Variants in TNFRSF8 observed in about 807,000 individuals in gnomAD.
The protein encoded by TNFRSF8 is TNF receptor superfamily member 8.
Under a neutral mutation model 70.8 loss-of-function variants are expected in TNFRSF8, and 26 were observed. The observed-to-expected ratio is 0.37, with a 90% CI of 0.27 to 0.51. The LOEUF is 0.51. Among genes scored for constraint, TNFRSF8 ranks in the 20% least tolerant of loss-of-function variants. The probability of loss-of-function intolerance (pLI) is 0.94; values close to 1 mark genes in which losing one functional copy is unlikely to be tolerated. For synonymous variants in TNFRSF8, 356 were observed against 339.2 expected, an observed-to-expected ratio of 1.05 and a Z score of -0.54; for missense variants, 720 against 807.9, an observed-to-expected ratio of 0.89 and a Z score of 1.32.
intron 2 of TNFRSF8, among the ~76,000 whole-genome samples, chr1:12,096,789 TCACACA>T (rs34950439): frequency 6.6e-6 from 1 of 151,224 alleles, no homozygotes; most frequent in African/African-American, 2.4e-5. Flanking sequence ...CTATGTACCC[TCACACA>T]CACACACACA....
At chr1:12,085,355 C>T (rs1199290900) in intron 2 of TNFRSF8, among the ~76,000 whole-genome samples, 2 of 152,222 alleles carry the variant, frequency 1.3e-5, no homozygotes, top group African/African-American at 4.8e-5. Context: ...GGTGATCCAC[C>T]CGCCTCAGCC....
chr1:12,070,561 G>A (rs1640824764), intron 1 of TNFRSF8, among the ~76,000 whole-genome samples: 1 of 152,130 alleles, frequency 6.6e-6, no homozygotes, highest in African/African-American at 2.4e-5. Flanking sequence ...CCAGGGCTCA[G>A]GTGATCCTCC....
At chr1:12,104,248 A>T in intron 3 of TNFRSF8, 131 bp from the exon 4 acceptor site, 2 of 898,940 alleles carry the variant, frequency 2.2e-6, no homozygotes, top group South Asian at 1.6e-5. Context: ...TTTAGTGGTC[A>T]CCAGGGGGTT....
In TNFRSF8 at chr1:12,113,221, G is replaced by A. The variant is rs1641662275; in HGVS notation, c.793+1207G>A. Among the ~76,000 whole-genome samples the A allele has an allele frequency of 6.6e-6, 1 of 152,224 alleles. No homozygotes were observed. Among genetic ancestry groups the A allele is most frequent in the South Asian group, 2.1e-4 (1 of 4,834 alleles). ...TTCATTCACCTGCCTTGGGGTTGATGTTGGCTCCTGGCTGCAGCCTTGGTT... is the reference window on the plus strand; with the variant it reads ...TTCATTCACCTGCCTTGGGGTTGATATTGGCTCCTGGCTGCAGCCTTGGTT... On this transcript the variant is annotated intron_variant, in intron 7 of 14. Transcript: ENST00000263932. This position sits in a 1 kb window ranked among gnomAD's most constrained non-coding sequence, Gnocchi z 4.9.
rs932942723 is a variant in TNFRSF8 at position 12,097,013 on chromosome 1, G to C, written c.152-88G>C. The stretch of plus-strand genomic sequence containing the variant: ...GGGGGTTGGAGGTGGAGCTGGGAGG[G>C]GCGTCAGGGATGAGAGGTGTGGGGC... On this transcript the variant is annotated intron_variant, in intron 2 of 14. Transcript: ENST00000263932. The C allele has an allele frequency of 2.0e-5, 19 of 942,208 alleles. 1 individual carries two copies. Among genetic ancestry groups the C allele is most frequent in the African/African-American group, 1.6e-5 (1 of 61,796 alleles). The allele number at this position is 942,208 out of a possible 1,614,324, so 58.4% of individuals were successfully genotyped here.
chr1:12,086,032 C>T (rs982296707), intron 2 of TNFRSF8, among the ~76,000 whole-genome samples: 12 of 152,170 alleles, frequency 7.9e-5, no homozygotes, highest in African/African-American at 1.9e-4. Flanking sequence ...TGCAAGTGGG[C>T]GGGCATCGTC....
intron 3 of TNFRSF8, 71 bp downstream of exon 3, chr1:12,097,288 A>G: frequency 1.7e-6 from 2 of 1,143,232 alleles, no homozygotes; most frequent in Non-Finnish European, 2.6e-6. Flanking sequence ...AGAGGTGAAG[A>G]ATCTGGAAGG....
In TNFRSF8 at chr1:12,112,100, T is replaced by C. The variant is rs1641644139; in HGVS notation, c.793+86T>C. On this transcript the variant is annotated intron_variant, in intron 7 of 14. Coordinates refer to ENST00000263932, the MANE Select transcript of TNFRSF8 (RefSeq NM_001243.5). This position sits in a 1 kb window ranked among gnomAD's most constrained non-coding sequence, Gnocchi z 5.3. ...TTCCAGTAACTACTCCCCCTTATGT[T>C]TGTGGGTTTTTGATGGGGGTCGCCT... 1.1e-6 allele frequency: 1 copy of C among 949,042 alleles called. No homozygotes were observed. The highest frequency in any genetic ancestry group is 1.7e-5 in the African/African-American group (1 of 60,436). 58.8% of individuals were successfully genotyped at this position (949,042 alleles called of 1,614,324 possible).
chr1:12,105,029 A>G (rs905820818), intron 4 of TNFRSF8, among the ~76,000 whole-genome samples: 5 of 152,070 alleles, frequency 3.3e-5, no homozygotes, highest in African/African-American at 1.2e-4. Flanking sequence ...TACTTCTCTG[A>G]TAGTACAAGG....
intron 10 of TNFRSF8, among the ~76,000 whole-genome samples, chr1:12,124,172 A>T (rs1168930078): frequency 2.6e-5 from 4 of 151,330 alleles, no homozygotes; most frequent in Admixed American, 6.6e-5. Flanking sequence ...GCCTGGCTAA[A>T]TTTTTTTTTA....
chr1:12,080,192 G>C (rs1388297694), intron 1 of TNFRSF8: 2 of 478,790 alleles, frequency 4.2e-6, no homozygotes, highest in Non-Finnish European at 8.3e-6. Context: ...CAGGTGATCT[G>C]CTGGCCTCAG....
chr1:12,090,534 A>G (rs920032192), intron 2 of TNFRSF8, among the ~76,000 whole-genome samples: 4 of 139,148 alleles, frequency 2.9e-5, no homozygotes. Context: ...CCACTCATCC[A>G]CCTACTCGTT....
In TNFRSF8 at chr1:12,118,845, TG is replaced by T. The variant is rs1362723893; in HGVS notation, c.946+3117del. Among the ~76,000 whole-genome samples, 8 of 151,966 alleles carry T rather than the reference TG, an allele frequency of 5.3e-5. No homozygotes were observed. In the East Asian group the frequency reaches 7.8e-4, roughly 15 times the overall value. On this transcript the variant is annotated intron_variant, in intron 8 of 14. Transcript: ENST00000263932. ...GAGGAAGGAGGCTTCTGGTTGCATT[TG>T]TTTTTTTGTTTGTTTGTTTGTTTCT...
rs11569887 is a variant in TNFRSF8 at position 12,112,091 on chromosome 1, C to G, written c.793+77C>G. ...ACCGTGAACTTCCAGTAACTACTCC[C>G]CCTTATGTTTGTGGGTTTTTGATGG... On this transcript the variant is annotated intron_variant, in intron 7 of 14. Transcript: ENST00000263932. The surrounding 1 kb of genome is among the most constrained non-coding windows in gnomAD (Gnocchi z 5.3). 5 of 1,066,022 alleles carry G rather than the reference C, an allele frequency of 4.7e-6. No homozygotes were observed. The highest frequency in any genetic ancestry group is 7.0e-6 in the Non-Finnish European group (5 of 713,424). 66.0% of individuals were successfully genotyped at this position (1,066,022 alleles called of 1,614,324 possible).
intron 2 of TNFRSF8, among the ~76,000 whole-genome samples, chr1:12,094,058 CAAAAAAAAA>C (rs778868213): frequency 1.2e-5 from 1 of 84,678 alleles, no homozygotes; most frequent in Non-Finnish European, 2.2e-5. Context: ...GACTTTGTCT[CAAAAAAAAA>C]AAAAAAAAAA....
At chr1:12,129,547 G>A (rs970835892) in intron 12 of TNFRSF8, among the ~76,000 whole-genome samples, 4 of 152,288 alleles carry the variant, frequency 2.6e-5, no homozygotes, top group East Asian at 3.9e-4. Context: ...CCTTCTGTCC[G>A]GATCCGTTCC....
At chr1:12,077,303 G>A (rs11569803) in intron 1 of TNFRSF8, among the ~76,000 whole-genome samples, 1 of 152,100 alleles carries the variant, frequency 6.6e-6, no homozygotes, top group Non-Finnish European at 1.5e-5. Flanking sequence ...TATCAGGGCG[G>A]GCCCAATCTA....
intron 3 of TNFRSF8, 85 bp from the exon 4 acceptor site, chr1:12,104,294 C>T: frequency 6.7e-7 from 1 of 1,503,732 alleles, no homozygotes; most frequent in Non-Finnish European, 9.2e-7. Context: ...CGGACTGCAC[C>T]TGCCCTCTCC....
chr1:12,075,245 A>G lies in TNFRSF8; in HGVS notation c.64-9219A>G, dbSNP rs565700276. On this transcript the variant is annotated intron_variant, in intron 1 of 14. Transcript: ENST00000263932. ...GGCGACAGAGTGAGACTCTGCCAAA[A>G]AAAAAATTTTTTTTTTTTTTTAAAG... Among the ~76,000 whole-genome samples, 4 of 137,074 alleles carry G rather than the reference A, an allele frequency of 2.9e-5. No homozygotes were observed. In the South Asian group the frequency reaches 9.5e-4, roughly 33 times the overall value. 89.9% of individuals were successfully genotyped at this position (137,074 alleles called of 152,430 possible).
Sources: gnomAD v4.1 joint callset for allele counts (sites outside exome capture counted in the v4.1 genomes callset) on GRCh38, gnomAD v4.1.1 for gene constraint, Gnocchi (gnomAD v3.1) non-coding constraint, MANE v1.5 for transcripts, NCBI Gene and HGNC (gene_info 2026-07-23, HGNC 2026-07-21) for gene names.